The following CCSER1 variants were observed in gnomAD, a reference collection of about 807,000 sequenced individuals.
CCSER1 encodes coiled-coil serine rich protein 1, also known as serine-rich coiled-coil domain-containing protein 1.
CCSER1 carries 41 observed loss-of-function variants against 82.0 expected under a neutral mutation model. The ratio of observed to expected loss-of-function variants is 0.50; its 90% CI spans 0.39 to 0.65. The LOEUF (loss-of-function observed/expected upper bound fraction) is 0.65, where lower values mean the gene tolerates loss of function less well. Ranked by LOEUF, CCSER1 falls within the 30% of genes least tolerant of loss-of-function variation. The probability of loss-of-function intolerance (pLI) is 0.00; values close to 1 mark genes in which losing one functional copy is unlikely to be tolerated. For missense variants in CCSER1, 1,119 were observed against 1,064.2 expected (o/e 1.05, Z -0.72); for synonymous variants, 414 against 383.9 (o/e 1.08, Z -0.92).
chr4:91,355,476 C>A (rs888676955), intron 10 of CCSER1, among the ~76,000 whole-genome samples: 1 of 152,082 alleles, frequency 6.6e-6, no homozygotes, highest in Non-Finnish European at 1.5e-5. Context: ...GATAGAATAG[C>A]ATTATACAAA....
chr4:90,149,467 T>G (rs1471049857), intron 1 of CCSER1, among the ~76,000 whole-genome samples: 1 of 152,146 alleles, frequency 6.6e-6, no homozygotes, highest in Non-Finnish European at 1.5e-5. Context: ...TTGGAGGTAG[T>G]GCCATTAATC....
chr4:90,780,700 G>C, intron 7 of CCSER1: 2 of 1,312,212 alleles, frequency 1.5e-6, no homozygotes, highest in Non-Finnish European at 1.9e-6. Flanking sequence ...CAAGACAAAC[G>C]GTCAGGAGGC....
At chr4:91,568,133 TG>T (rs1314010342) in intron 10 of CCSER1, among the ~76,000 whole-genome samples, 1 of 152,148 alleles carries the variant, frequency 6.6e-6, no homozygotes, top group Non-Finnish European at 1.5e-5. Flanking sequence ...ATAAAATTTT[TG>T]GTTGAAGATT....
chr4:90,878,946 A>G (rs943529277), intron 8 of CCSER1, among the ~76,000 whole-genome samples: 3 of 152,198 alleles, frequency 2.0e-5, no homozygotes, highest in Admixed American at 2.0e-4. Flanking sequence ...ATTTTTTTGA[A>G]CAGAAATGTC....
At chr4:90,258,519 C>G (rs759752034) in intron 1 of CCSER1, among the ~76,000 whole-genome samples, 11 of 151,940 alleles carry the variant, frequency 7.2e-5, no homozygotes, top group Non-Finnish European at 1.3e-4. Flanking sequence ...CAAAAACAAA[C>G]AAACAAAAAT....
intron 10 of CCSER1, among the ~76,000 whole-genome samples, chr4:91,552,949 TG>T (rs1181001187): frequency 6.6e-6 from 1 of 151,638 alleles, no homozygotes; most frequent in Non-Finnish European, 1.5e-5. Flanking sequence ...CTTGTCTTTT[TG>T]CTGATCTTAG....
Position 91,310,041 on chromosome 4 carries a change from A to G in CCSER1, c.2217+224047A>G, listed in dbSNP as rs376357436. ...ACTTTGGCATGTGGCAGCAATTCCAATCCTCACAATCTCCTTATGTGGTTG... is the reference window on the plus strand; with the variant it reads ...ACTTTGGCATGTGGCAGCAATTCCAGTCCTCACAATCTCCTTATGTGGTTG... On this transcript the variant is annotated intron_variant, in intron 10 of 10. Transcript: ENST00000509176. Among the ~76,000 whole-genome samples, 65 of 151,986 alleles carry G rather than the reference A, an allele frequency of 4.3e-4. 1 individual carries two copies. The highest frequency in any genetic ancestry group is 1.3e-3 in the African/African-American group (53 of 41,528).
intron 10 of CCSER1, among the ~76,000 whole-genome samples, chr4:91,152,368 C>A (rs895423397): frequency 1.3e-5 from 2 of 152,172 alleles, no homozygotes; most frequent in African/African-American, 4.8e-5. Context: ...CTATGTGTGT[C>A]TCTGCACATG....
chr4:90,517,627 G>T (rs1772465176), intron 5 of CCSER1, among the ~76,000 whole-genome samples: 1 of 152,094 alleles, frequency 6.6e-6, no homozygotes, highest in Non-Finnish European at 1.5e-5. Flanking sequence ...GGAGCCCTCT[G>T]CAACTAGATT....
chr4:91,448,051 G>C (rs1382807900), intron 10 of CCSER1, among the ~76,000 whole-genome samples: 1 of 152,076 alleles, frequency 6.6e-6, no homozygotes, highest in Non-Finnish European at 1.5e-5. Flanking sequence ...TAGGCAAGTT[G>C]CTACTTCATA....
At chr4:90,684,053 G>A (rs1407430349) in intron 6 of CCSER1, among the ~76,000 whole-genome samples, 2 of 152,102 alleles carry the variant, frequency 1.3e-5, no homozygotes, top group Non-Finnish European at 2.9e-5. Flanking sequence ...GGTTGATTGA[G>A]TTGTGTTTTG....
At chr4:90,829,043 C>G (rs1361246533) in intron 8 of CCSER1, among the ~76,000 whole-genome samples, 4 of 151,602 alleles carry the variant, frequency 2.6e-5, no homozygotes, top group Admixed American at 2.0e-4. Context: ...GAAATAACAG[C>G]AAGAAAATAA....
chr4:90,412,580 A>G (rs1185972915), intron 4 of CCSER1, among the ~76,000 whole-genome samples: 3 of 151,960 alleles, frequency 2.0e-5, no homozygotes, highest in Non-Finnish European at 4.4e-5. Flanking sequence ...TTTTCATACG[A>G]GGGATGCAGG....
chr4:90,759,856 T>A (rs1750155548), intron 7 of CCSER1, among the ~76,000 whole-genome samples: 1 of 152,146 alleles, frequency 6.6e-6, no homozygotes, highest in African/African-American at 2.4e-5. Context: ...AGAGCAAAAT[T>A]ATTAATTTCA....
chr4:91,224,057 C>CTT (rs5860224), intron 10 of CCSER1, among the ~76,000 whole-genome samples: 23 of 140,652 alleles, frequency 1.6e-4, no homozygotes, highest in African/African-American at 5.3e-4. Context: ...CTCAAAGTGG[C>CTT]TTTTTTTTTT....
chr4:91,266,627 C>G (rs1333399982), intron 10 of CCSER1, among the ~76,000 whole-genome samples: 1 of 152,018 alleles, frequency 6.6e-6, no homozygotes, highest in Non-Finnish European at 1.5e-5. Flanking sequence ...GACACTAACT[C>G]AAAGAAAAGG....
intron 5 of CCSER1, among the ~76,000 whole-genome samples, chr4:90,567,824 C>T (rs1228586858): frequency 6.6e-6 from 1 of 152,010 alleles, no homozygotes; most frequent in Non-Finnish European, 1.5e-5. Context: ...CTAAGCTTGT[C>T]TTGAACTCCT....
At chr4:90,242,625 A>C (rs1231618914) in intron 1 of CCSER1, among the ~76,000 whole-genome samples, 2 of 152,222 alleles carry the variant, frequency 1.3e-5, no homozygotes, top group African/African-American at 4.8e-5. Flanking sequence ...CATCATTTCC[A>C]TGGCTCTGTG....
At chr4:90,483,750 T>G (rs1030779922) in intron 5 of CCSER1, among the ~76,000 whole-genome samples, 2 of 152,256 alleles carry the variant, frequency 1.3e-5, no homozygotes, top group Non-Finnish European at 2.9e-5. Context: ...CAGCTGTTAG[T>G]GTGATGGGCT....
Sources: gnomAD v4.1 joint callset for allele counts (sites outside exome capture counted in the v4.1 genomes callset) on GRCh38, gnomAD v4.1.1 for gene constraint, MANE v1.5 for transcripts, NCBI Gene and HGNC (gene_info 2026-07-23, HGNC 2026-07-21) for gene names.